EPS15: variants seen among roughly 807,000 people sequenced by gnomAD.
EPS15 encodes the protein epidermal growth factor receptor substrate 15.
A neutral mutation model predicts 113.8 loss-of-function variants in EPS15; 72 were observed. That is an observed-to-expected ratio of 0.63 (90% CI 0.52 to 0.77). The LOEUF (loss-of-function observed/expected upper bound fraction) is 0.77. Ranked by LOEUF, EPS15 falls within the 30% of genes least tolerant of loss-of-function variation. The pLI is 0.00. For missense variants in EPS15, 1,048 were observed against 1,045.8 expected (o/e 1.00, Z -0.03); for synonymous variants, 344 against 363.4 (o/e 0.95, Z 0.61).
chr1:51,363,274 G>A (rs1335100609), intron 23 of EPS15, among the ~76,000 whole-genome samples: 3 of 148,148 alleles, frequency 2.0e-5, no homozygotes, highest in Non-Finnish European at 3.0e-5. Flanking sequence ...CTCCAGCCTG[G>A]GCAACAGAGC....
chr1:51,422,166 T>C, intron 12 of EPS15: 4 of 562,554 alleles, frequency 7.1e-6, no homozygotes, highest in Non-Finnish European at 9.7e-6. Flanking sequence ...GCTATGGAAA[T>C]AGTGTCCAAT....
At chr1:51,443,775 C>T (rs991028499) in intron 11 of EPS15, among the ~76,000 whole-genome samples, 5 of 151,972 alleles carry the variant, frequency 3.3e-5, no homozygotes, top group African/African-American at 4.8e-5. Context: ...GCCTCAGCCT[C>T]CCGAGTAGCT....
At chr1:51,406,926 TAAGAATTTAAG>T (rs1649186783) in intron 15 of EPS15, among the ~76,000 whole-genome samples, 1 of 151,976 alleles carries the variant, frequency 6.6e-6, no homozygotes, top group South Asian at 2.1e-4. Flanking sequence ...CATAAAGAAA[TAAGAATTTAAG>T]GTATATCTTG....
intron 21 of EPS15, among the ~76,000 whole-genome samples, chr1:51,375,581 A>G (rs1185852614): frequency 6.6e-6 from 1 of 152,184 alleles, no homozygotes; most frequent in Non-Finnish European, 1.5e-5. Flanking sequence ...AGTTTCCAGA[A>G]GTTGGGATTT....
intron 2 of EPS15, among the ~76,000 whole-genome samples, chr1:51,473,435 TA>T (rs1390581614): frequency 1.3e-5 from 2 of 152,188 alleles, no homozygotes; most frequent in Admixed American, 1.3e-4. Flanking sequence ...ATCAAAGCAA[TA>T]GCAGCTCTAA....
At chr1:51,381,127 G>A (rs963275905) in intron 21 of EPS15, among the ~76,000 whole-genome samples, 2 of 152,126 alleles carry the variant, frequency 1.3e-5, no homozygotes, top group African/African-American at 4.8e-5. Context: ...GGAGAGAGAG[G>A]ACTTGAACAA....
chr1:51,388,077 T>G (rs919558786), intron 21 of EPS15, among the ~76,000 whole-genome samples: 3,175 of 151,550 alleles, frequency 0.021, 28 homozygotes, highest in Middle Eastern at 0.031. Context: ...GAAGTAAAGC[T>G]CTCCTCAGCA....
chr1:51,440,421 T>A lies in EPS15; in HGVS notation c.966A>T (p.Gly322=), dbSNP rs200659915. Residue 322 remains glycine, a synonymous_variant, in exon 12 of 25, where the codon GGA becomes GGT. Coordinates refer to ENST00000371733, the MANE Select transcript of EPS15 (RefSeq NM_001981.3). The part of the protein sequence containing the change: ...DRASLQKNII[G]SSPVADFSAI... ...CAGAGAAATCTGCAACAGGACTTGA[T>A]CCTATGATGTTCTAAAAACAAAAAG... 17 of 1,565,834 alleles carry A rather than the reference T, an allele frequency of 1.1e-5. No individual in the cohort carries two copies. The highest frequency in any genetic ancestry group is 1.4e-5 in the Non-Finnish European group (16 of 1,147,150).
At chr1:51,430,403 T>C (rs1230928824) in intron 12 of EPS15, among the ~76,000 whole-genome samples, 1 of 151,792 alleles carries the variant, frequency 6.6e-6, no homozygotes, top group Non-Finnish European at 1.5e-5. Flanking sequence ...ACCCCATCTC[T>C]ACTAAAAATA....
rs1028708206 is a variant in EPS15, at chr1:51,448,118, G to C, written c.579C>G (p.Tyr193Ter). Residue 193 changes from tyrosine (Y) to a stop codon, truncating the protein, a stop_gained, in exon 9 of 25, where the codon TAC (tyrosine) becomes TAG (stop). Coordinates refer to ENST00000371733, the MANE Select transcript of EPS15 (RefSeq NM_001981.3). LOFTEE classifies it high-confidence loss of function. ...GCACAGGTTCTTTCTCCAGTGCACA[G>C]TATACCAAAAACATGGCCTTCAAAA... ...DEFAVAMFLV[Y>*]CALEKEPVPM... 2.5e-6 allele frequency: 4 copies of C among 1,612,066 alleles called. No individual in the cohort carries two copies. The highest frequency in any genetic ancestry group is 3.4e-6 in the Non-Finnish European group (4 of 1,178,596).
chr1:51,476,288 TG>T (rs1441526502), intron 2 of EPS15, among the ~76,000 whole-genome samples: 5 of 152,224 alleles, frequency 3.3e-5, no homozygotes, highest in African/African-American at 1.2e-4. Flanking sequence ...TAAATTACCT[TG>T]GGCAGTATGG....
At chr1:51,395,126 CTG>C (rs1647800748) in intron 20 of EPS15, among the ~76,000 whole-genome samples, 1 of 152,152 alleles carries the variant, frequency 6.6e-6, no homozygotes, top group Admixed American at 6.5e-5. Flanking sequence ...TCTGAAAGCA[CTG>C]GGATTTTAGG....
intron 16 of EPS15, 44 bp from the exon 17 acceptor site, chr1:51,403,576 C>T (rs12756284): frequency 0.077 from 86,248 of 1,118,086 alleles, 3,775 homozygotes; most frequent in Non-Finnish European, 0.088. Flanking sequence ...TACTTTTTGA[C>T]ATGGCAGAGA....
At chr1:51,379,385 G>T (rs2148377495) in intron 21 of EPS15, among the ~76,000 whole-genome samples, 1 of 152,158 alleles carries the variant, frequency 6.6e-6, no homozygotes, top group Non-Finnish European at 1.5e-5. Flanking sequence ...CTCCCACAGT[G>T]TTGGGATTAC....
At chr1:51,496,773 C>T (rs529258055) in intron 1 of EPS15, among the ~76,000 whole-genome samples, 50 of 152,262 alleles carry the variant, frequency 3.3e-4, no homozygotes, top group African/African-American at 1.1e-3. Context: ...TTAAAATTCA[C>T]TCCATTATAG....
Position 51,366,009 on chromosome 1 carries a change from C to G in EPS15, c.2140G>C (p.Val714Leu). 1 of 1,612,652 alleles carries G rather than the reference C, an allele frequency of 6.2e-7. No individual in the cohort carries two copies. Among genetic ancestry groups the G allele is most frequent in the Middle Eastern group, 1.7e-4 (1 of 6,058 alleles). ...SDSATDPFAS[V>L]FGNESFGGGF... ...CCTCCAAATGATTCATTCCCAAAAA[C>G]AGAAGCAAAGGGGTCTGTGGCTAAA... Residue 714 changes from valine (V) to leucine (L), a missense_variant, in exon 22 of 25, where the codon GTT becomes CTT. Coordinates refer to ENST00000371733, the MANE Select transcript of EPS15 (RefSeq NM_001981.3).
At chr1:51,394,493 C>G (rs746902215) in intron 20 of EPS15, 46 bp from the exon 21 acceptor site, 2 of 1,158,048 alleles carry the variant, frequency 1.7e-6, no homozygotes, top group Non-Finnish European at 2.5e-6. Flanking sequence ...CAACACTTCA[C>G]AGCTGAAACC....
intron 20 of EPS15, among the ~76,000 whole-genome samples, chr1:51,396,517 ACTT>A (rs1240511316): frequency 3.3e-5 from 5 of 152,158 alleles, no homozygotes; most frequent in Non-Finnish European, 5.9e-5. Context: ...CTGTATTATT[ACTT>A]CTTCTCTTTG....
intron 21 of EPS15, among the ~76,000 whole-genome samples, chr1:51,377,604 A>G (rs1213464613): frequency 6.6e-6 from 1 of 152,228 alleles, no homozygotes; most frequent in Non-Finnish European, 1.5e-5. Context: ...AGAATATTAC[A>G]TAAATTTAGT....
Sources: allele counts gnomAD v4.1 joint callset (sites outside exome capture counted in the v4.1 genomes callset), GRCh38; gene constraint gnomAD v4.1.1; transcripts MANE v1.5; gene names NCBI Gene and HGNC (gene_info 2026-07-23, HGNC 2026-07-21).